CD8A: variants seen among roughly 807,000 people sequenced by gnomAD.
The protein encoded by CD8A is CD8 subunit alpha.
Under a neutral mutation model 24.2 loss-of-function variants are expected in CD8A, and 25 were observed. The observed-to-expected ratio is 1.03, with a 90% confidence interval of 0.75 to 1.44. The LOEUF (loss-of-function observed/expected upper bound fraction) is 1.44. CD8A is among the 40% of genes most tolerant of loss of function. The pLI, the probability that CD8A is intolerant of heterozygous loss-of-function variation, is 0.00. For synonymous variants in CD8A, 165 were observed against 149.9 expected, an observed-to-expected ratio of 1.10 and a Z score of -0.74; for missense variants, 360 against 319.7, an observed-to-expected ratio of 1.13 and a Z score of -0.96.
At chr2:86,790,224 T>G in intron 2 of CD8A, 104 bp downstream of exon 2, 1 of 861,810 alleles carries the variant, frequency 1.2e-6, no homozygotes, top group Non-Finnish European at 2.0e-6. Flanking sequence ...CTAAGTCGCT[T>G]CCAGGTGCGC....
chr2:86,804,541 CACTGA>C (rs1246064033), intron 2 of CD8A, among the ~76,000 whole-genome samples: 4 of 152,076 alleles, frequency 2.6e-5, no homozygotes, highest in African/African-American at 9.7e-5. Flanking sequence ...AACTTAATAC[CACTGA>C]ACTGTACACT....
Position 86,790,695 on chromosome 2 carries a change from G to A in CD8A, c.50-14C>T. The A allele has an allele frequency of 6.3e-7, 1 of 1,593,332 alleles. No individual in the cohort carries two copies. The highest frequency in any genetic ancestry group is 8.5e-7 in the Non-Finnish European group (1 of 1,177,080). ...GCCTGGCGGCGTCTGCAGGCGGCAAGCAGCGAGGCTGAGCCCGCAGTCCCG... is the reference window on the plus strand; with the variant it reads ...GCCTGGCGGCGTCTGCAGGCGGCAAACAGCGAGGCTGAGCCCGCAGTCCCG... On this transcript the variant is annotated splice_polypyrimidine_tract_variant and intron_variant, in intron 1 of 5. Transcript: ENST00000283635.
chr2:86,784,834 A>G lies in CD8A; in HGVS notation c.*1086T>C. On this transcript the variant is annotated 3_prime_UTR_variant, in exon 6 of 6. Transcript: ENST00000283635. The stretch of plus-strand genomic sequence containing the variant: ...CTTAAGTTTTTTCTCTCCAATGGGC[A>G]GGCATTGCTTGTACCATACCTTAAG... 1 of 454,096 alleles carries G rather than the reference A, an allele frequency of 2.2e-6. No homozygotes were observed. Among genetic ancestry groups the G allele is most frequent in the South Asian group, 1.6e-5 (1 of 64,470 alleles). The allele number at this position is 454,096 out of a possible 1,614,324, so 28.1% of individuals were successfully genotyped here. A position where few individuals can be genotyped will look rare whatever the true frequency, so the allele number is the denominator to read the frequency against.
chr2:86,787,898 A>AGAGAGTGTGTGTGT (rs369993109), intron 5 of CD8A, among the ~76,000 whole-genome samples: 24 of 144,596 alleles, frequency 1.7e-4, no homozygotes, highest in African/African-American at 5.4e-4. Context: ...AGAGAGAGAG[A>AGAGAGTGTGTGTGT]GTGTGTGTGT....
At position 86,801,510 on chromosome 2, in the gene CD8A, C is replaced by G. The variant is rs1343943695; in HGVS notation, c.-271+1G>C. 2 of 152,488 alleles carry G rather than the reference C, an allele frequency of 1.3e-5. No homozygotes were observed. The highest frequency in any genetic ancestry group is 4.8e-5 in the African/African-American group (2 of 41,374). 9.4% of individuals were successfully genotyped at this position (152,488 alleles called of 1,614,324 possible). ...GGGACTATGGGTGCACACCATCATA[C>G]CTGGCTAAATTTTTGTAGAGATGGG... On this transcript the variant is annotated splice_donor_variant, in intron 3 of 8. Coordinates refer to the CD8A transcript ENST00000409511. LOFTEE classifies it low-confidence loss of function (5UTR_SPLICE).
rs1364984545 is a variant in CD8A at position 86,784,682 on chromosome 2, C to A, written c.*1238G>T. 2.2e-6 allele frequency: 1 copy of A among 446,154 alleles called. No homozygotes were observed. The highest frequency in any genetic ancestry group is 4.5e-6 in the Non-Finnish European group (1 of 222,850). The allele number at this position is 446,154 out of a possible 1,614,324, so 27.6% of individuals were successfully genotyped here. The stretch of plus-strand genomic sequence containing the variant: ...GCCACTCATAACAGCATAGTACAAC[C>A]CTATTTAAAAAAGAAAGACATATTT... On this transcript the variant is annotated 3_prime_UTR_variant, in exon 6 of 6. Coordinates refer to ENST00000283635, the MANE Select transcript of CD8A (RefSeq NM_001768.7).
intron 5 of CD8A, among the ~76,000 whole-genome samples, chr2:86,787,125 C>T (rs1673052230): frequency 7.1e-6 from 1 of 141,596 alleles, no homozygotes; most frequent in Non-Finnish European, 1.5e-5. Flanking sequence ...CTCTGTTACC[C>T]AGGCTGGAGT....
intron 3 of CD8A, among the ~76,000 whole-genome samples, chr2:86,801,100 C>T (rs1673656914): frequency 6.6e-6 from 1 of 152,174 alleles, no homozygotes; most frequent in African/African-American, 2.4e-5. Flanking sequence ...AAGGAACACA[C>T]CCAGCTGACA....
At chr2:86,786,065 G>C in intron 5 of CD8A, 94 bp from the exon 6 acceptor site, 1 of 998,826 alleles carries the variant, frequency 1.0e-6, no homozygotes, top group Non-Finnish European at 1.6e-6. Flanking sequence ...CCCAGCCTTT[G>C]AAAGGTCTGA....
At chr2:86,799,021 A>G (rs1673575615) in intron 3 of CD8A, among the ~76,000 whole-genome samples, 1 of 152,202 alleles carries the variant, frequency 6.6e-6, no homozygotes, top group African/African-American at 2.4e-5. Flanking sequence ...GATTTATTTT[A>G]AATGCTGTGT....
intron 5 of CD8A, among the ~76,000 whole-genome samples, chr2:86,787,724 T>C (rs1289331156): frequency 1.3e-5 from 2 of 152,224 alleles, no homozygotes. Context: ...TTTGCCACTT[T>C]ACTAATCCCT....
rs537994499 is a variant in CD8A at position 86,803,208 on chromosome 2, T to A, written c.-417-1551A>T. Among the ~76,000 whole-genome samples the A allele has an allele frequency of 6.6e-5, 10 of 152,334 alleles. No individual in the cohort carries two copies. In the South Asian group the frequency reaches 2.1e-3, roughly 32 times the overall value. On this transcript the variant is annotated intron_variant, in intron 2 of 8. Coordinates refer to the CD8A transcript ENST00000409511. The stretch of plus-strand genomic sequence containing the variant: ...AGCTAAAATGTGGTAGCAACCCAAG[T>A]GTTTATTACTGGATGAATAGATAAA...
At chr2:86,787,218 G>C (rs1285502520) in intron 5 of CD8A, among the ~76,000 whole-genome samples, 1 of 150,866 alleles carries the variant, frequency 6.6e-6, no homozygotes, top group Non-Finnish European at 1.5e-5. Flanking sequence ...GAGTAGCCCG[G>C]ATTATAGGCA....
chr2:86,795,982 A>C (rs1377855821), intron 3 of CD8A, among the ~76,000 whole-genome samples: 1 of 152,266 alleles, frequency 6.6e-6, no homozygotes, highest in Non-Finnish European at 1.5e-5. Flanking sequence ...AACAATTTGA[A>C]AAATGTTTAA....
At chr2:86,807,775 G>C (rs945770794) in exon 2 of CD8A, 3 of 152,154 alleles carry the variant, frequency 2.0e-5, no homozygotes, top group African/African-American at 7.3e-5. Context: ...CGGTGTGCCT[G>C]AATCAGCCTA....
At chr2:86,802,470 C>G (rs1262240851) in intron 2 of CD8A, among the ~76,000 whole-genome samples, 1 of 152,130 alleles carries the variant, frequency 6.6e-6, no homozygotes, top group Non-Finnish European at 1.5e-5. Context: ...CTTATGGTTG[C>G]AGGAAATTAA....
At chr2:86,789,071 G>C (rs753071760) in intron 4 of CD8A, among the ~76,000 whole-genome samples, 8 of 152,198 alleles carry the variant, frequency 5.3e-5, no homozygotes, top group Non-Finnish European at 1.2e-4. Flanking sequence ...GGGCTTCGTC[G>C]ACGGAACACA....
rs1343088662 is a variant in CD8A at position 86,789,262 on chromosome 2, T to C, written c.625+61A>G. 5.4e-6 allele frequency: 6 copies of C among 1,106,632 alleles called. No individual in the cohort carries two copies. In the South Asian group the frequency reaches 6.2e-5, roughly 11 times the overall value. The allele number at this position is 1,106,632 out of a possible 1,614,324, so 68.6% of individuals were successfully genotyped here. ...CCCCCTCGCAAGGTCCGCCTGGAGC[T>C]AGCAGAGCCAAGGGCAGGAGCGGGG... On this transcript the variant is annotated intron_variant, in intron 4 of 5. Coordinates refer to ENST00000283635, the MANE Select transcript of CD8A (RefSeq NM_001768.7).
chr2:86,795,619 A>T (rs1673457124), upstream of CD8A, among the ~76,000 whole-genome samples: 3 of 152,090 alleles, frequency 2.0e-5, 1 homozygote, highest in South Asian at 6.2e-4. Context: ...GTCTGTTCTT[A>T]GTGTAGAGGC....
Sources: allele counts gnomAD v4.1 joint callset (sites outside exome capture counted in the v4.1 genomes callset), GRCh38; gene constraint gnomAD v4.1.1; transcripts MANE v1.5; gene names NCBI Gene and HGNC (gene_info 2026-07-23, HGNC 2026-07-21).